Variants in SMARCB1 observed in about 807,000 individuals in gnomAD.
SMARCB1 encodes the protein SWI/SNF related BAF chromatin remodeling complex subunit B1.
Under a neutral mutation model 49.0 loss-of-function variants are expected in SMARCB1, and 5 were observed. The observed-to-expected ratio is 0.10, with a 90% CI of 0.05 to 0.21. The LOEUF is 0.21. Ranked by LOEUF, SMARCB1 falls within the 10% of genes least tolerant of loss-of-function variation. The pLI is 1.00. For missense variants in SMARCB1, 226 were observed against 509.2 expected (o/e 0.44, Z 5.35); for synonymous variants, 201 against 200.1 (o/e 1.00, Z -0.04).
At chr22:23,813,247 A>G (rs940364297) in intron 5 of SMARCB1, among the ~76,000 whole-genome samples, 6 of 152,246 alleles carry the variant, frequency 3.9e-5, no homozygotes, top group Admixed American at 1.3e-4. Context: ...TGCTGTCACT[A>G]TTCTTATTCA....
intron 6 of SMARCB1, among the ~76,000 whole-genome samples, chr22:23,820,063 C>G (rs950395881): frequency 1.3e-5 from 2 of 152,064 alleles, no homozygotes; most frequent in Non-Finnish European, 2.9e-5. Flanking sequence ...CTCCCGACCA[C>G]AGGTGATCCA....
chr22:23,823,714 T>G (rs984746613), intron 6 of SMARCB1: 1 of 152,190 alleles, frequency 6.6e-6, no homozygotes, highest in Non-Finnish European at 1.5e-5. Context: ...GGAGGATCTT[T>G]TGAGGCCAGC....
chr22:23,793,193 G>T, intron 2 of SMARCB1: 1 of 362,274 alleles, frequency 2.8e-6, no homozygotes, highest in Non-Finnish European at 5.4e-6. Context: ...GTGTTACTCT[G>T]GGAGCTTTCT....
At position 23,803,282 on chromosome 22, in the gene SMARCB1, A is replaced by G. The variant is rs1200247706; in HGVS notation, c.501-13A>G. On this transcript the variant is annotated splice_polypyrimidine_tract_variant and intron_variant, in intron 4 of 8. Transcript: ENST00000644036. ...GGCCCCCTCGCTGACTGTTGCTTCCATTTCACTTTCAGCTTTGATGACCAT... is the reference window on the plus strand; with the variant it reads ...GGCCCCCTCGCTGACTGTTGCTTCCGTTTCACTTTCAGCTTTGATGACCAT... 2.5e-6 allele frequency: 4 copies of G among 1,613,872 alleles called. No individual in the cohort carries two copies. Among genetic ancestry groups the G allele is most frequent in the Admixed American group, 1.7e-5 (1 of 59,988 alleles).
intron 8 of SMARCB1, 126 bp downstream of exon 8, chr22:23,833,829 G>A (rs1028173915): frequency 1.9e-5 from 21 of 1,126,432 alleles, no homozygotes; most frequent in South Asian, 3.8e-5. Flanking sequence ...GCTGCTAGAG[G>A]CAGGCAGGCT....
rs1262914121 is a variant in SMARCB1, at chr22:23,835,895, A to G, written c.*1715A>G. ...CTGACCGCCAGCTCACACCGCCGCA[A>G]AGCCATCTCCACAAGGTCTGGCTAC... On this transcript the variant is annotated 3_prime_UTR_variant, in exon 9 of 9. Coordinates refer to ENST00000644036, the MANE Select transcript of SMARCB1 (RefSeq NM_003073.5). The G allele has an allele frequency of 1.0e-6, 1 of 985,468 alleles. No individual in the cohort carries two copies. The highest frequency in any genetic ancestry group is 1.2e-6 in the Non-Finnish European group (1 of 829,950). 61.0% of individuals were successfully genotyped at this position (985,468 alleles called of 1,614,324 possible).
intron 6 of SMARCB1, among the ~76,000 whole-genome samples, chr22:23,820,407 C>G (rs1188077767): frequency 6.6e-6 from 1 of 152,102 alleles, no homozygotes; most frequent in Non-Finnish European, 1.5e-5. Context: ...AACCCCGTCT[C>G]TACTAAAAAT....
chr22:23,815,790 T>C (rs1022538857), intron 5 of SMARCB1: 1 of 152,272 alleles, frequency 6.6e-6, no homozygotes, highest in Admixed American at 6.5e-5. Flanking sequence ...TACAGTCCTC[T>C]ATCTTGTCTT....
chr22:23,818,137 G>GGGGTGTGTGTGTGT (rs1311439174), intron 6 of SMARCB1: 4 of 133,036 alleles, frequency 3.0e-5, no homozygotes, highest in African/African-American at 1.2e-4. Context: ...AAATACTTTG[G>GGGGTGTGTGTGTGT]GTGTGTGTGT....
chr22:23,836,307 G>C lies in SMARCB1; in HGVS notation c.*2127G>C, dbSNP rs1181024226. The C allele has an allele frequency of 1.0e-6, 1 of 985,376 alleles. No individual in the cohort carries two copies. The highest frequency in any genetic ancestry group is 6.1e-5 in the Admixed American group (1 of 16,270). 61.0% of individuals were successfully genotyped at this position (985,376 alleles called of 1,614,324 possible). On this transcript the variant is annotated 3_prime_UTR_variant, in exon 9 of 9. Transcript: ENST00000644036. ...AATGAGGCATACGCCCACCTGTCAG[G>C]GTGGCTGATGAGAGACAGGAGAGGC... is the stretch of plus-strand genomic sequence containing the variant.
chr22:23,809,576 A>T (rs1021100494), intron 5 of SMARCB1, among the ~76,000 whole-genome samples: 1 of 151,072 alleles, frequency 6.6e-6, no homozygotes, highest in African/African-American at 2.4e-5. Flanking sequence ...GTGCTCGGCC[A>T]ATTTTTTGTA....
chr22:23,826,178 C>A (rs9608202), intron 7 of SMARCB1: 18,539 of 150,764 alleles, frequency 0.12, 1,233 homozygotes, highest in South Asian at 0.27. Context: ...TAGCACTTCG[C>A]GGAGCTGAGG....
intron 4 of SMARCB1, chr22:23,801,569 C>T: frequency 2.7e-6 from 1 of 364,204 alleles, no homozygotes; most frequent in Non-Finnish European, 5.4e-6. Flanking sequence ...GTGGACAGGG[C>T]CATGCTCCCT....
rs5760062 is a variant in SMARCB1, at chr22:23,836,403, C to G, written c.*2223C>G. ...GGCTGGTTTGGCACAACCTAGGAGA[C>G]GCCTGTCCTGGCCCCAGCAGCCGAA... is the stretch of plus-strand genomic sequence containing the variant. On this transcript the variant is annotated 3_prime_UTR_variant, in exon 9 of 9. Transcript: ENST00000644036. 912,088 of 986,586 alleles carry G rather than the reference C, an allele frequency of 0.92. 421,947 individuals are homozygous for G. The highest frequency in any genetic ancestry group is 0.93 in the African/African-American group (53,477 of 57,396). 61.1% of individuals were successfully genotyped at this position (986,586 alleles called of 1,614,324 possible).
At chr22:23,827,520 G>C (rs11705032) in intron 7 of SMARCB1, among the ~76,000 whole-genome samples, 18,020 of 152,206 alleles carry the variant, frequency 0.12, 1,159 homozygotes, top group South Asian at 0.26. Flanking sequence ...CGACCACTTA[G>C]TGCATTCCAG....
At chr22:23,807,401 C>T (rs1229918435) in intron 5 of SMARCB1, among the ~76,000 whole-genome samples, 1 of 152,004 alleles carries the variant, frequency 6.6e-6, no homozygotes, top group East Asian at 1.9e-4. Flanking sequence ...CTGGGTGTCA[C>T]GGTGAAACCC....
chr22:23,811,523 A>C (rs1424467103), intron 5 of SMARCB1, among the ~76,000 whole-genome samples: 1 of 152,252 alleles, frequency 6.6e-6, no homozygotes, highest in African/African-American at 2.4e-5. Flanking sequence ...TAAAGAATTG[A>C]AACCATACAG....
chr22:23,799,679 A>ATTTTTT (rs71184912), intron 3 of SMARCB1, among the ~76,000 whole-genome samples: 824 of 68,384 alleles, frequency 0.012, 84 homozygotes, highest in African/African-American at 0.043. Context: ...CACCTGGCTA[A>ATTTTTT]TTTTTTTTTT....
intron 6 of SMARCB1, among the ~76,000 whole-genome samples, chr22:23,818,896 A>G (rs1199040734): frequency 6.6e-6 from 1 of 152,236 alleles, no homozygotes; most frequent in Non-Finnish European, 1.5e-5. Flanking sequence ...GCTGGAGTGC[A>G]GTGGCGCAGT....
Sources: gnomAD v4.1 joint callset for allele counts (sites outside exome capture counted in the v4.1 genomes callset) on GRCh38, gnomAD v4.1.1 for gene constraint, MANE v1.5 for transcripts, NCBI Gene and HGNC (gene_info 2026-07-23, HGNC 2026-07-21) for gene names.